TANC2: variants seen among roughly 807,000 people sequenced by gnomAD.
TANC2 encodes the protein tetratricopeptide repeat, ankyrin repeat and coiled-coil containing 2.
A neutral mutation model predicts 210.5 loss-of-function variants in TANC2; 26 were observed. The observed-to-expected ratio is 0.12, with a 90% CI of 0.09 to 0.17. TANC2 has a LOEUF of 0.17. TANC2 is among the 10% of genes least tolerant of loss of function. The probability of loss-of-function intolerance (pLI) is 1.00; values close to 1 mark genes in which losing one functional copy is unlikely to be tolerated. For missense variants in TANC2, 2,129 were observed against 2,608.9 expected (o/e 0.82, Z 4.01); for synonymous variants, 931 against 967.1 (o/e 0.96, Z 0.69).
intron 1 of TANC2, among the ~76,000 whole-genome samples, chr17:62,971,529 T>C (rs2031693679): frequency 6.6e-6 from 1 of 152,192 alleles, no homozygotes; most frequent in East Asian, 1.9e-4. Flanking sequence ...AGTGTTTCAC[T>C]CTGTTGTCCA....
chr17:62,989,935 TA>T (rs2032774246), intron 1 of TANC2, among the ~76,000 whole-genome samples: 1 of 151,928 alleles, frequency 6.6e-6, no homozygotes, highest in African/African-American at 2.4e-5. Flanking sequence ...CACACCTGGC[TA>T]ATTTTTTTTG....
intron 4 of TANC2, among the ~76,000 whole-genome samples, chr17:63,117,437 A>ATT (rs1468643769): frequency 3.9e-5 from 6 of 152,202 alleles, no homozygotes; most frequent in Non-Finnish European, 8.8e-5. Flanking sequence ...CGTCTGTGTA[A>ATT]TCTCTTGAAA....
intron 19 of TANC2, among the ~76,000 whole-genome samples, chr17:63,404,084 T>C (rs1030505548): frequency 6.6e-6 from 1 of 152,196 alleles, no homozygotes; most frequent in Non-Finnish European, 1.5e-5. Context: ...AAGAACCTGC[T>C]GACTACTACA....
At chr17:63,323,420 T>C (rs1313326170) in intron 11 of TANC2, among the ~76,000 whole-genome samples, 2 of 152,222 alleles carry the variant, frequency 1.3e-5, no homozygotes, top group African/African-American at 4.8e-5. Context: ...TAGGTTGGCA[T>C]CTCTCGAGCG....
At chr17:63,304,108 A>G (rs895414949) in intron 9 of TANC2, among the ~76,000 whole-genome samples, 5 of 152,018 alleles carry the variant, frequency 3.3e-5, no homozygotes, top group East Asian at 1.9e-4. Context: ...CTCATCCTTC[A>G]TCCAGTTCTG....
intron 12 of TANC2, among the ~76,000 whole-genome samples, chr17:63,345,274 C>G (rs550463006): frequency 4.6e-4 from 70 of 152,224 alleles, no homozygotes; most frequent in African/African-American, 1.6e-3. Context: ...AGAGATATGT[C>G]ATAAATGAGG....
intron 14 of TANC2, among the ~76,000 whole-genome samples, chr17:63,357,392 C>T (rs1447609045): frequency 3.3e-5 from 5 of 152,206 alleles, no homozygotes; most frequent in East Asian, 1.9e-4. Context: ...TTCTCAACAT[C>T]GCATTTTAAC....
At chr17:63,371,723 A>T (rs529455038) in intron 14 of TANC2, among the ~76,000 whole-genome samples, 1 of 152,350 alleles carries the variant, frequency 6.6e-6, no homozygotes, top group South Asian at 2.1e-4. Context: ...ACATAATGCC[A>T]TTGTATATTT....
chr17:63,369,601 C>T (rs4968769), intron 14 of TANC2, among the ~76,000 whole-genome samples: 86,368 of 147,380 alleles, frequency 0.59, 27,810 homozygotes, highest in African/African-American at 0.86. Context: ...TTGCCCATGC[C>T]AGAGTGCAGT....
At chr17:63,332,820 T>C (rs2045902247) in intron 11 of TANC2, among the ~76,000 whole-genome samples, 1 of 152,204 alleles carries the variant, frequency 6.6e-6, no homozygotes, top group South Asian at 2.1e-4. Context: ...AATGTTCATT[T>C]ACCATTCCAA....
chr17:63,062,326 TCTC>T (rs571978876), intron 2 of TANC2, among the ~76,000 whole-genome samples: 123 of 152,358 alleles, frequency 8.1e-4, no homozygotes, highest in Non-Finnish European at 1.5e-3. Flanking sequence ...CTAGCACTGT[TCTC>T]CTCTTGTACT....
intron 9 of TANC2, among the ~76,000 whole-genome samples, chr17:63,273,975 A>G (rs1292256427): frequency 2.0e-5 from 3 of 152,212 alleles, no homozygotes; most frequent in Non-Finnish European, 4.4e-5. Flanking sequence ...GATAAGCTTT[A>G]TGCCTCAAGG....
chr17:63,042,154 T>A (rs1039242344), intron 2 of TANC2, among the ~76,000 whole-genome samples: 1 of 152,162 alleles, frequency 6.6e-6, no homozygotes, highest in African/African-American at 2.4e-5. Context: ...ATGCCTGTAG[T>A]TTATTCTACT....
At chr17:63,297,578 C>T (rs1377477797) in intron 9 of TANC2, among the ~76,000 whole-genome samples, 1 of 152,098 alleles carries the variant, frequency 6.6e-6, no homozygotes, top group Non-Finnish European at 1.5e-5. Context: ...ACCTAACCTA[C>T]AGATAAGAGC....
chr17:63,174,502 G>A (rs1294062573), intron 5 of TANC2, among the ~76,000 whole-genome samples: 2 of 152,108 alleles, frequency 1.3e-5, no homozygotes, highest in Non-Finnish European at 2.9e-5. Context: ...GTCCATCTCC[G>A]TTTCTGGTTT....
At chr17:63,235,293 T>A (rs1439068452) in intron 7 of TANC2, among the ~76,000 whole-genome samples, 1 of 152,158 alleles carries the variant, frequency 6.6e-6, no homozygotes, top group Non-Finnish European at 1.5e-5. Context: ...TTGTTAGCTG[T>A]CTTTCCAAAA....
At chr17:63,067,779 G>T (rs994707093) in intron 2 of TANC2, among the ~76,000 whole-genome samples, 1 of 152,068 alleles carries the variant, frequency 6.6e-6, no homozygotes, top group African/African-American at 2.4e-5. Flanking sequence ...AGAGAGAAAA[G>T]CAGGGGATGG....
At chr17:63,104,032 G>A (rs528734011) in intron 4 of TANC2, among the ~76,000 whole-genome samples, 1 of 152,084 alleles carries the variant, frequency 6.6e-6, no homozygotes, top group South Asian at 2.1e-4. Context: ...GAAAATCAAG[G>A]TTTAGTGAAA....
In TANC2 at chr17:63,388,622, AT is replaced by A; in HGVS notation, c.2692-10del. ...CTGGGCTACTAATTTAATTGTCTGT[AT>A]TTCTTATTCAGGGTTTGAGTAAAAA... On this transcript the variant is annotated splice_polypyrimidine_tract_variant and intron_variant, in intron 15 of 27. Coordinates refer to ENST00000689528, the Ensembl canonical transcript of TANC2. 1 of 1,594,014 alleles carries A rather than the reference AT, an allele frequency of 6.3e-7. No homozygotes were observed. The highest frequency in any genetic ancestry group is 8.5e-7 in the Non-Finnish European group (1 of 1,170,736).
Sources: gnomAD v4.1 joint callset for allele counts (sites outside exome capture counted in the v4.1 genomes callset) on GRCh38, gnomAD v4.1.1 for gene constraint, MANE v1.5 for transcripts, NCBI Gene and HGNC (gene_info 2026-07-23, HGNC 2026-07-21) for gene names.